Variants in C12orf42 observed in about 807,000 individuals in gnomAD.
C12orf42 encodes uncharacterized protein C12orf42.
In C12orf42, 25 loss-of-function variants were observed where a neutral mutation model predicts 21.6. That is an observed-to-expected ratio of 1.16 (90% CI 0.84 to 1.62). The LOEUF is 1.62. Among genes scored for constraint, C12orf42 ranks in the 40% most tolerant of loss-of-function variants. C12orf42 has a pLI of 0.00. For synonymous variants in C12orf42, 174 were observed against 175.0 expected (o/e 0.99, Z 0.05); for missense variants, 483 against 459.3 (o/e 1.05, Z -0.47).
At chr12:103,314,247 G>A (rs1015996015) in intron 4 of C12orf42, among the ~76,000 whole-genome samples, 4 of 151,810 alleles carry the variant, frequency 2.6e-5, no homozygotes, top group African/African-American at 9.7e-5. Flanking sequence ...GGGAGGACAG[G>A]AGAGGTGTTG....
the C12orf42 span, among the ~76,000 whole-genome samples, chr12:103,168,851 TC>T: frequency 4.8e-3 from 727 of 152,298 alleles, 9 homozygotes; most frequent in African/African-American, 0.016. Flanking sequence ...TGAGTTCATG[TC>T]CTTTGTAGGG....
intron 5 of C12orf42, among the ~76,000 whole-genome samples, chr12:103,275,740 ATTT>A (rs202030025): frequency 3.6e-5 from 5 of 139,736 alleles, no homozygotes; most frequent in Admixed American, 7.2e-5. Context: ...ATCAAGTAGG[ATTT>A]TTTTTTTTTT....
intron 3 of C12orf42, among the ~76,000 whole-genome samples, chr12:103,374,213 C>A (rs891934470): frequency 6.6e-6 from 1 of 152,172 alleles, no homozygotes; most frequent in Non-Finnish European, 1.5e-5. Flanking sequence ...TCCCTACATA[C>A]TTTTATTCTA....
At chr12:103,561,621 G>A in the C12orf42 span, among the ~76,000 whole-genome samples, 611 of 152,230 alleles carry the variant, frequency 4.0e-3, 4 homozygotes, top group African/African-American at 0.014. Flanking sequence ...GGATTTCAAC[G>A]TATGAATCTG....
the C12orf42 span, chr12:103,080,925 G>A: frequency 3.9e-5 from 6 of 152,316 alleles, no homozygotes; most frequent in East Asian, 1.2e-3. Flanking sequence ...CACATGACTA[G>A]TAATTGGTAG....
chr12:103,087,324 C>A, the C12orf42 span, among the ~76,000 whole-genome samples: 1 of 152,126 alleles, frequency 6.6e-6, no homozygotes, highest in Non-Finnish European at 1.5e-5. Context: ...TGCAGAGATG[C>A]TATAATTTGC....
At chr12:103,169,808 G>A in the C12orf42 span, among the ~76,000 whole-genome samples, 1 of 152,012 alleles carries the variant, frequency 6.6e-6, no homozygotes, top group African/African-American at 2.4e-5. Flanking sequence ...GAATAGATAT[G>A]AGTAAAGGTG....
At chr12:103,221,546 G>A in the C12orf42 span, among the ~76,000 whole-genome samples, 9 of 152,166 alleles carry the variant, frequency 5.9e-5, no homozygotes, top group Non-Finnish European at 1.3e-4. Flanking sequence ...GACCCTGAAA[G>A]ACAAAGACTA....
At chr12:103,119,792 G>A in the C12orf42 span, among the ~76,000 whole-genome samples, 1 of 152,226 alleles carries the variant, frequency 6.6e-6, no homozygotes, top group Non-Finnish European at 1.5e-5. Context: ...CATATATGAA[G>A]CCACCATTTC....
chr12:103,271,798 G>T (rs774872228), intron 5 of C12orf42, among the ~76,000 whole-genome samples: 5 of 152,082 alleles, frequency 3.3e-5, no homozygotes, highest in African/African-American at 7.2e-5. Flanking sequence ...TGCATTGAAT[G>T]GTTTCATTTG....
chr12:103,373,415 T>C (rs1165728025), intron 3 of C12orf42, among the ~76,000 whole-genome samples: 1 of 152,186 alleles, frequency 6.6e-6, no homozygotes, highest in Non-Finnish European at 1.5e-5. Flanking sequence ...TCATGTTGAT[T>C]TTGGGGCTGT....
intron 2 of C12orf42, among the ~76,000 whole-genome samples, chr12:103,453,781 A>G (rs1408075089): frequency 1.3e-5 from 2 of 152,074 alleles, no homozygotes; most frequent in Middle Eastern, 3.2e-3. Flanking sequence ...ACTCAACTTA[A>G]TAAATCAGAT....
At chr12:103,381,861 G>A (rs2046208973) in intron 3 of C12orf42, among the ~76,000 whole-genome samples, 1 of 151,928 alleles carries the variant, frequency 6.6e-6, no homozygotes, top group African/African-American at 2.4e-5. Context: ...ATCTTGCAGT[G>A]AGCCAAGATC....
chr12:103,288,820 C>A (rs562132623), intron 4 of C12orf42, among the ~76,000 whole-genome samples: 141 of 152,214 alleles, frequency 9.3e-4, no homozygotes, highest in Non-Finnish European at 1.4e-3. Flanking sequence ...AAACACAAAT[C>A]CTGAACTCCC....
chr12:103,223,048 C>T, the C12orf42 span, among the ~76,000 whole-genome samples: 1 of 152,154 alleles, frequency 6.6e-6, no homozygotes, highest in East Asian at 1.9e-4. Flanking sequence ...TAATTGCACA[C>T]CTATTATACA....
At chr12:103,397,385 G>A (rs1338474900) in intron 3 of C12orf42, among the ~76,000 whole-genome samples, 1 of 152,194 alleles carries the variant, frequency 6.6e-6, no homozygotes, top group Non-Finnish European at 1.5e-5. Flanking sequence ...GTGAGTGCCA[G>A]GCTGGGGGCA....
intron 3 of C12orf42, among the ~76,000 whole-genome samples, chr12:103,390,239 T>C (rs758036982): frequency 4.6e-5 from 7 of 152,216 alleles, no homozygotes; most frequent in Non-Finnish European, 8.8e-5. Context: ...CATTTAACTA[T>C]GTTCCAGGCA....
chr12:103,234,968 A>G (rs1196852214), downstream of C12orf42, among the ~76,000 whole-genome samples: 1 of 152,202 alleles, frequency 6.6e-6, no homozygotes, highest in Non-Finnish European at 1.5e-5. Flanking sequence ...AATTCAATAT[A>G]TAAATGTTAA....
chr12:103,227,726 T>C, the C12orf42 span, among the ~76,000 whole-genome samples: 1 of 152,124 alleles, frequency 6.6e-6, no homozygotes, highest in Admixed American at 6.5e-5. Flanking sequence ...AACGTGGGTG[T>C]ATAATCAGAG....
Sources: allele counts gnomAD v4.1 joint callset (sites outside exome capture counted in the v4.1 genomes callset), GRCh38; gene constraint gnomAD v4.1.1; transcripts MANE v1.5; gene names NCBI Gene and HGNC (gene_info 2026-07-23, HGNC 2026-07-21).